Variants in TMC1 observed in about 807,000 individuals in gnomAD.
TMC1 encodes transmembrane channel-like protein 1.
Under a neutral mutation model 105.8 loss-of-function variants are expected in TMC1, and 84 were observed. That is an observed-to-expected ratio of 0.79 (90% CI 0.67 to 0.95). The LOEUF is 0.95. Ranked by LOEUF, TMC1 falls within the 40% of genes least tolerant of loss-of-function variation. TMC1 has a pLI of 0.00. For missense variants in TMC1, 817 were observed against 914.1 expected, an observed-to-expected ratio of 0.89 and a Z score of 1.37; for synonymous variants, 315 against 311.5, an observed-to-expected ratio of 1.01 and a Z score of -0.12.
chr9:72,670,653 A>G (rs1189309921), intron 5 of TMC1, among the ~76,000 whole-genome samples: 1 of 152,228 alleles, frequency 6.6e-6, no homozygotes, highest in Non-Finnish European at 1.5e-5. Context: ...AACTCTAGCC[A>G]TTACACATGT....
chr9:72,805,797 C>G (rs1828565485), intron 18 of TMC1, among the ~76,000 whole-genome samples: 1 of 151,912 alleles, frequency 6.6e-6, no homozygotes, highest in Admixed American at 6.6e-5. Flanking sequence ...ACATCTTGCA[C>G]CACCCTTAAT....
chr9:72,735,508 T>C (rs1827283333), intron 8 of TMC1, among the ~76,000 whole-genome samples: 1 of 152,268 alleles, frequency 6.6e-6, no homozygotes, highest in Admixed American at 6.5e-5. Flanking sequence ...TCATGGACAC[T>C]TCACTGTTCT....
At chr9:72,778,848 T>A (rs1376701083) in intron 13 of TMC1, among the ~76,000 whole-genome samples, 1 of 152,186 alleles carries the variant, frequency 6.6e-6, no homozygotes. Context: ...GCTTCTTTGT[T>A]GGCAGACCCC....
intron 2 of TMC1, among the ~76,000 whole-genome samples, chr9:72,582,250 CT>C (rs1179268266): frequency 3.9e-5 from 6 of 152,206 alleles, no homozygotes; most frequent in Non-Finnish European, 4.4e-5. Flanking sequence ...AGCCACTGTG[CT>C]CAGCCGATAG....
intron 3 of TMC1, among the ~76,000 whole-genome samples, chr9:72,618,053 A>C (rs572898376): frequency 2.2e-5 from 3 of 136,140 alleles, no homozygotes; most frequent in Non-Finnish European, 4.7e-5. Context: ...TTTTGAGACA[A>C]AGTCTCATTT....
intron 5 of TMC1, among the ~76,000 whole-genome samples, chr9:72,671,665 G>A (rs1478985017): frequency 1.3e-5 from 2 of 152,118 alleles, no homozygotes; most frequent in African/African-American, 2.4e-5. Flanking sequence ...TACAGGAGGG[G>A]CTTGAGGGGT....
chr9:72,560,825 T>TCAC (rs10632837), intron 1 of TMC1, among the ~76,000 whole-genome samples: 87,091 of 151,520 alleles, frequency 0.57, 26,757 homozygotes, highest in African/African-American at 0.81. Context: ...TTTGCAAGTT[T>TCAC]CACATTTCCT....
Position 72,531,764 on chromosome 9 carries a change from AT to A in TMC1, c.-428+9859del, listed in dbSNP as rs143978784. ...CTACTTTGTCTGGCTCTAGGCACTG[AT>A]TTTTTTTACCCTCTTGGCCACCTAT... is the stretch of plus-strand genomic sequence containing the variant. On this transcript the variant is annotated intron_variant, in intron 1 of 23. Coordinates refer to ENST00000297784, the MANE Select transcript of TMC1 (RefSeq NM_138691.3). 2.7e-3 allele frequency among the ~76,000 whole-genome samples: 417 copies of A among 151,972 alleles called. 2 individuals carry two copies. The highest frequency in any genetic ancestry group is 9.7e-3 in the African/African-American group (403 of 41,466).
chr9:72,816,119 C>T, intron 18 of TMC1, 24 bp from the exon 19 acceptor site: 2 of 1,609,990 alleles, frequency 1.2e-6, no homozygotes, highest in Non-Finnish European at 8.5e-7. Context: ...GACGCTAATC[C>T]AATGAACATT....
intron 15 of TMC1, among the ~76,000 whole-genome samples, chr9:72,790,047 T>C (rs1008902980): frequency 3.9e-5 from 6 of 152,186 alleles, no homozygotes; most frequent in African/African-American, 1.4e-4. Flanking sequence ...CATAGATCAT[T>C]TAGAATCAGA....
At chr9:72,833,069 G>C (rs138996020) in intron 23 of TMC1, among the ~76,000 whole-genome samples, 2 of 151,898 alleles carry the variant, frequency 1.3e-5, no homozygotes, top group African/African-American at 4.8e-5. Context: ...AACTACAATG[G>C]ATATAATAAT....
chr9:72,793,683 C>T (rs896754264), intron 17 of TMC1, among the ~76,000 whole-genome samples: 2 of 152,176 alleles, frequency 1.3e-5, no homozygotes, highest in Non-Finnish European at 2.9e-5. Context: ...TGCTGTTTCA[C>T]AGCCTTCACT....
At chr9:72,557,228 G>A (rs1277941345) in intron 1 of TMC1, among the ~76,000 whole-genome samples, 2 of 152,092 alleles carry the variant, frequency 1.3e-5, no homozygotes, top group East Asian at 1.9e-4. Flanking sequence ...AACAATAGCC[G>A]GGCGTGGTGG....
intron 1 of TMC1, among the ~76,000 whole-genome samples, chr9:72,531,837 G>A (rs546561618): frequency 1.3e-5 from 2 of 152,242 alleles, no homozygotes; most frequent in Admixed American, 1.3e-4. Flanking sequence ...CAAGTGCCAA[G>A]CTTTCCTATC....
At chr9:72,537,925 G>A (rs919904455) in intron 1 of TMC1, among the ~76,000 whole-genome samples, 4 of 152,090 alleles carry the variant, frequency 2.6e-5, no homozygotes, top group African/African-American at 9.7e-5. Flanking sequence ...AGGCTGAGGT[G>A]GTCAGATTGC....
At chr9:72,745,563 G>A (rs1382381683) in intron 10 of TMC1, among the ~76,000 whole-genome samples, 1 of 152,050 alleles carries the variant, frequency 6.6e-6, no homozygotes, top group African/African-American at 2.4e-5. Context: ...TCTATAGGAT[G>A]CTTAATGTAC....
At chr9:72,828,174 C>A (rs959998927) in intron 21 of TMC1, among the ~76,000 whole-genome samples, 2 of 152,136 alleles carry the variant, frequency 1.3e-5, no homozygotes, top group African/African-American at 4.8e-5. Flanking sequence ...AACAGTAAAT[C>A]AGATTACCAT....
chr9:72,607,002 T>TATAGAGAG lies in TMC1; in HGVS notation c.-305-9365_-305-9364insTAGAGAGA, dbSNP rs372785242. On this transcript the variant is annotated intron_variant, in intron 2 of 23. Coordinates refer to ENST00000297784, the MANE Select transcript of TMC1 (RefSeq NM_138691.3). Reference sequence around the variant, plus strand: ...GTGTGCATATATATATATATATATATAGAGAGAGAGAGAGAGAGAGAGAGA... The same window carrying TATAGAGAG: ...GTGTGCATATATATATATATATATATATAGAGAGAGAGAGAGAGAGAGAGAGAGAGAGA... 6.6e-3 allele frequency among the ~76,000 whole-genome samples: 895 copies of TATAGAGAG among 134,932 alleles called. 9 individuals are homozygous for TATAGAGAG. The highest frequency in any genetic ancestry group is 0.016 in the African/African-American group (583 of 35,736). The allele number at this position is 134,932 out of a possible 152,430, so 88.5% of individuals were successfully genotyped here. A position where few individuals can be genotyped will look rare whatever the true frequency, so the allele number is the denominator to read the frequency against.
In TMC1 at chr9:72,586,277, C is replaced by T. The variant is rs116327703; in HGVS notation, c.-306+8254C>T. Among the ~76,000 whole-genome samples the T allele has an allele frequency of 4.4e-3, 669 of 152,242 alleles. 4 individuals are homozygous for T. The highest frequency in any genetic ancestry group is 0.014 in the African/African-American group (591 of 41,578). ...TTAGGGAATACTGCTGAAGTTTGCC[C>T]GACACAAATGAAGGAGTTGTAGCTT... On this transcript the variant is annotated intron_variant, in intron 2 of 23. Transcript: ENST00000297784.
Sources: allele counts gnomAD v4.1 joint callset (sites outside exome capture counted in the v4.1 genomes callset), GRCh38; gene constraint gnomAD v4.1.1; transcripts MANE v1.5; gene names NCBI Gene and HGNC (gene_info 2026-07-23, HGNC 2026-07-21).